MALL: variants seen among roughly 807,000 people sequenced by gnomAD.
The protein encoded by MALL is mal, T cell differentiation protein like.
MALL carries 2 observed loss-of-function variants against 10.3 expected under a neutral mutation model. The observed-to-expected ratio is 0.19, with a 90% CI of 0.08 to 0.61. The LOEUF is 0.61. MALL is among the 20% of genes least tolerant of loss of function. The probability of loss-of-function intolerance (pLI) is 0.88; values close to 1 mark genes in which losing one functional copy is unlikely to be tolerated. For missense variants in MALL, 39 were observed against 115.2 expected (o/e 0.34, Z 3.03); for synonymous variants, 27 against 51.8 (o/e 0.52, Z 2.05).
intron 1 of MALL, among the ~76,000 whole-genome samples, chr2:110,107,573 G>A (rs1393053143): frequency 6.6e-6 from 1 of 152,088 alleles, no homozygotes; most frequent in African/African-American, 2.4e-5. Context: ...TACATGCCTA[G>A]CCCTGCCCCT....
At chr2:110,110,553 G>C in intron 1 of MALL, among the ~76,000 whole-genome samples, 1 of 152,040 alleles carries the variant, frequency 6.6e-6, no homozygotes, top group Non-Finnish European at 1.5e-5. Flanking sequence ...TCAATAACAA[G>C]CTGCAAGATT....
intron 1 of MALL, among the ~76,000 whole-genome samples, chr2:110,098,744 C>T (rs567865839): frequency 6.6e-6 from 1 of 152,154 alleles, no homozygotes; most frequent in African/African-American, 2.4e-5. Context: ...GTGGCTCACA[C>T]CTGTAATCCC....
At chr2:110,110,772 A>C (rs1430152950) in intron 1 of MALL, among the ~76,000 whole-genome samples, 1 of 152,142 alleles carries the variant, frequency 6.6e-6, no homozygotes, top group Non-Finnish European at 1.5e-5. Flanking sequence ...CCAAAAAAGA[A>C]AACTACAGAC....
intron 1 of MALL, among the ~76,000 whole-genome samples, chr2:110,112,895 T>A (rs925941875): frequency 1.3e-5 from 2 of 149,478 alleles, no homozygotes; most frequent in Non-Finnish European, 3.0e-5. Context: ...TGTATATATA[T>A]AAATATATAC....
At chr2:110,114,773 C>G (rs891520677) in intron 1 of MALL, among the ~76,000 whole-genome samples, 2 of 151,708 alleles carry the variant, frequency 1.3e-5, no homozygotes, top group African/African-American at 4.8e-5. Context: ...TGCTCAGGGA[C>G]AGCACTGCCA....
chr2:110,097,070 T>C lies in MALL; in HGVS notation c.106-5300A>G, dbSNP rs554540628. Among the ~76,000 whole-genome samples, 327 of 138,638 alleles carry C rather than the reference T, an allele frequency of 2.4e-3. 9 individuals carry two copies. Among genetic ancestry groups the C allele is most frequent in the Non-Finnish European group, 2.7e-3 (180 of 65,550 alleles). The allele number at this position is 138,638 out of a possible 152,430, so 91.0% of individuals were successfully genotyped here. ...ATTATGTCTGCAAAGTGAAACACTCTGCAATCTTCAAAAACAAAACAAAAC... is the reference window on the plus strand; with the variant it reads ...ATTATGTCTGCAAAGTGAAACACTCCGCAATCTTCAAAAACAAAACAAAAC... On this transcript the variant is annotated intron_variant, in intron 1 of 3. Transcript: ENST00000272462.
intron 1 of MALL, among the ~76,000 whole-genome samples, chr2:110,111,071 A>C (rs1233133952): frequency 6.6e-6 from 1 of 152,180 alleles, no homozygotes; most frequent in Non-Finnish European, 1.5e-5. Context: ...ACATATCTTA[A>C]TGTAATAAAA....
chr2:110,096,138 G>A lies in MALL; in HGVS notation c.106-4368C>T, dbSNP rs552713995. ...GGCACTCCAAGTCCTGCTACTCCTA[G>A]AAGCCTTTGGGGACTTCAAGAAAGC... On this transcript the variant is annotated intron_variant, in intron 1 of 3. Coordinates refer to ENST00000272462, the MANE Select transcript of MALL (RefSeq NM_005434.5). Among the ~76,000 whole-genome samples, 26 of 152,238 alleles carry A rather than the reference G, an allele frequency of 1.7e-4. No homozygotes were observed. In the South Asian group the frequency reaches 5.4e-3, roughly 32 times the overall value.
intron 1 of MALL, among the ~76,000 whole-genome samples, chr2:110,103,681 G>A (rs1027510363): frequency 6.6e-6 from 1 of 152,184 alleles, no homozygotes; most frequent in African/African-American, 2.4e-5. Context: ...GCCAGCAGCC[G>A]GTGGCTCCTT....
At chr2:110,102,120 C>T (rs565257043) in intron 1 of MALL, among the ~76,000 whole-genome samples, 2 of 152,248 alleles carry the variant, frequency 1.3e-5, no homozygotes, top group East Asian at 1.9e-4. Context: ...AGGGGAAGTC[C>T]CCATACCCTC....
Position 110,102,734 on chromosome 2 carries a change from G to A in MALL, c.106-10964C>T, listed in dbSNP as rs576181729. Among the ~76,000 whole-genome samples the A allele has an allele frequency of 3.3e-5, 5 of 152,146 alleles. 1 individual carries two copies. The highest frequency in any genetic ancestry group is 1.3e-4 in the Admixed American group (2 of 15,282). ...CTGCTCCATCACCTCCCAGGCCCCA[G>A]AAATTCTCACAGTAGGGTAGGGAGC... On this transcript the variant is annotated intron_variant, in intron 1 of 3. Transcript: ENST00000272462.
At chr2:110,112,288 A>T (rs1678819965) in intron 1 of MALL, among the ~76,000 whole-genome samples, 1 of 152,182 alleles carries the variant, frequency 6.6e-6, no homozygotes, top group Admixed American at 6.5e-5. Context: ...ACAGCAGAGT[A>T]AACAGATAAC....
chr2:110,109,879 A>G (rs1353697721), intron 1 of MALL, among the ~76,000 whole-genome samples: 1 of 152,194 alleles, frequency 6.6e-6, no homozygotes, highest in Non-Finnish European at 1.5e-5. Flanking sequence ...ACTCTGTCAG[A>G]CCACAGTAGA....
intron 1 of MALL, among the ~76,000 whole-genome samples, chr2:110,109,197 T>C (rs926633455): frequency 4.6e-5 from 7 of 152,124 alleles, no homozygotes; most frequent in African/African-American, 1.7e-4. Context: ...CAATGGTACC[T>C]CACATTCCAA....
chr2:110,106,777 G>A (rs1310630417), intron 1 of MALL, among the ~76,000 whole-genome samples: 1 of 152,084 alleles, frequency 6.6e-6, no homozygotes, highest in Non-Finnish European at 1.5e-5. Context: ...TTTCACAGCA[G>A]CTTTATTTGG....
chr2:110,116,092 C>G (rs1299601526), upstream of MALL: 2 of 290,686 alleles, frequency 6.9e-6, no homozygotes, highest in Non-Finnish European at 1.3e-5. Flanking sequence ...GCATGTTATT[C>G]CAGGGGATGC....
intron 1 of MALL, among the ~76,000 whole-genome samples, chr2:110,102,804 G>T (rs1574033510): frequency 1.3e-5 from 2 of 152,230 alleles, no homozygotes; most frequent in South Asian, 2.1e-4. Context: ...CCACCACCCT[G>T]CCTCCTCCCT....
At chr2:110,108,234 A>C (rs1235676679) in intron 1 of MALL, among the ~76,000 whole-genome samples, 1 of 152,192 alleles carries the variant, frequency 6.6e-6, no homozygotes, top group Non-Finnish European at 1.5e-5. Context: ...TATTAAGCTA[A>C]TCAGGGAGGG....
intron 1 of MALL, among the ~76,000 whole-genome samples, chr2:110,106,079 G>T (rs145966173): frequency 5.0e-4 from 76 of 152,152 alleles, no homozygotes; most frequent in Non-Finnish European, 1.0e-3. Context: ...CAAACAAAGA[G>T]TTTGCATGGT....
Sources: allele counts gnomAD v4.1 joint callset (sites outside exome capture counted in the v4.1 genomes callset), GRCh38; gene constraint gnomAD v4.1.1; transcripts MANE v1.5; gene names NCBI Gene and HGNC (gene_info 2026-07-23, HGNC 2026-07-21).